SLC9A8: variants seen among roughly 807,000 people sequenced by gnomAD.
The protein encoded by SLC9A8 is solute carrier family 9 member A8.
A neutral mutation model predicts 66.6 loss-of-function variants in SLC9A8; 48 were observed. The ratio of observed to expected loss-of-function variants is 0.72; its 90% CI spans 0.57 to 0.92. The LOEUF (loss-of-function observed/expected upper bound fraction) is 0.92. SLC9A8 is among the 40% of genes least tolerant of loss of function. SLC9A8 has a pLI of 0.00. For synonymous variants in SLC9A8, 274 were observed against 282.6 expected (o/e 0.97, Z 0.31); for missense variants, 599 against 747.3 (o/e 0.80, Z 2.31).
intron 7 of SLC9A8, among the ~76,000 whole-genome samples, chr20:49,851,133 C>T (rs1200146575): frequency 1.3e-5 from 2 of 152,160 alleles, no homozygotes; most frequent in Non-Finnish European, 2.9e-5. Context: ...CCTGTGTGCA[C>T]GCGTACACTG....
At chr20:49,875,512 G>T (rs973883851) in intron 11 of SLC9A8, among the ~76,000 whole-genome samples, 1 of 152,138 alleles carries the variant, frequency 6.6e-6, no homozygotes, top group Non-Finnish European at 1.5e-5. Flanking sequence ...CGCAGTAGAG[G>T]TGTCATTTGT....
intron 7 of SLC9A8, among the ~76,000 whole-genome samples, chr20:49,853,208 A>T (rs1430156915): frequency 6.6e-6 from 1 of 152,344 alleles, no homozygotes; most frequent in East Asian, 1.9e-4. Context: ...TAGTGGCATG[A>T]TCACAGCTCG....
chr20:49,856,099 A>C (rs2088469089), intron 8 of SLC9A8, among the ~76,000 whole-genome samples: 1 of 152,062 alleles, frequency 6.6e-6, no homozygotes. Context: ...GGCTTTGCCC[A>C]CCTTTTTCGA....
At chr20:49,856,048 C>G (rs2088467083) in intron 8 of SLC9A8, among the ~76,000 whole-genome samples, 1 of 152,228 alleles carries the variant, frequency 6.6e-6, no homozygotes, top group Admixed American at 6.5e-5. Flanking sequence ...CCACCTCAGC[C>G]TCCCAAAGTG....
chr20:49,880,194 G>T (rs1235153641), intron 12 of SLC9A8, among the ~76,000 whole-genome samples: 1 of 149,582 alleles, frequency 6.7e-6, no homozygotes, highest in African/African-American at 2.5e-5. Context: ...AGCCCAGGAG[G>T]TTGAGGTTGC....
Position 49,839,614 on chromosome 20 carries a change from T to C in SLC9A8, c.348+15T>C. ...CGAATTGGAAGGTAGGTTTGCCCTT[T>C]GGTTGTTCTTAATTTTAGTAACATT... On this transcript the variant is annotated intron_variant, in intron 4 of 15. Coordinates refer to ENST00000361573, the MANE Select transcript of SLC9A8 (RefSeq NM_015266.3). 1.3e-6 allele frequency: 2 copies of C among 1,571,824 alleles called. No homozygotes were observed. Among genetic ancestry groups the C allele is most frequent in the Non-Finnish European group, 1.7e-6 (2 of 1,146,314 alleles).
intron 14 of SLC9A8, among the ~76,000 whole-genome samples, chr20:49,884,323 CACACACACACACACCCCCCG>C: frequency 6.8e-6 from 1 of 146,598 alleles, no homozygotes; most frequent in African/African-American, 2.6e-5. Context: ...CACACACACA[CACACACACACACACCCCCCG>C]GTCATCCCCC....
intron 11 of SLC9A8, 74 bp from the exon 12 acceptor site, chr20:49,877,907 C>A: frequency 1.0e-6 from 1 of 984,398 alleles, no homozygotes; most frequent in Non-Finnish European, 1.5e-6. Flanking sequence ...TGAATGTTTG[C>A]TTGCTTAATA....
intron 11 of SLC9A8, among the ~76,000 whole-genome samples, chr20:49,876,035 G>A (rs566774835): frequency 2.3e-4 from 35 of 152,214 alleles, no homozygotes; most frequent in African/African-American, 6.5e-4. Flanking sequence ...CACCGCACCC[G>A]GCCACTTGTC....
At position 49,864,702 on chromosome 20, in the gene SLC9A8, C is replaced by CT. The variant is rs760042489; in HGVS notation, c.853-36dup. On this transcript the variant is annotated intron_variant, in intron 9 of 15. Coordinates refer to ENST00000361573, the MANE Select transcript of SLC9A8 (RefSeq NM_015266.3). ...GACTTCTCCACATCTCCCATCAACT[C>CT]TCCCTCGATTCTCCTTCCTTGACAG... 1.1e-5 allele frequency: 16 copies of CT among 1,456,636 alleles called. No individual in the cohort carries two copies. The East Asian group carries it at 2.3e-4, about 21-fold the overall frequency. The allele number at this position is 1,456,636 out of a possible 1,614,324, so 90.2% of individuals were successfully genotyped here.
chr20:49,828,375 C>T (rs1252859102), intron 3 of SLC9A8, among the ~76,000 whole-genome samples: 3 of 151,586 alleles, frequency 2.0e-5, no homozygotes, highest in African/African-American at 2.4e-5. Flanking sequence ...AGCTAATGCA[C>T]CCCGCCTAAT....
intron 3 of SLC9A8, among the ~76,000 whole-genome samples, chr20:49,827,739 G>A (rs1407471903): frequency 6.6e-6 from 1 of 152,042 alleles, no homozygotes; most frequent in Non-Finnish European, 1.5e-5. Context: ...GAAAAGGCCA[G>A]ATTAGGGTTA....
Position 49,884,284 on chromosome 20 carries a change from CACACG to C in SLC9A8, c.1491+223_1491+227del, listed in dbSNP as rs1477090271. ...GACACACACACACACGACACACACA[CACACG>C]ACACACACACACACACACACACACA... On this transcript the variant is annotated intron_variant, in intron 14 of 15. Coordinates refer to ENST00000361573, the MANE Select transcript of SLC9A8 (RefSeq NM_015266.3). 5.4e-4 allele frequency: 159 copies of C among 294,800 alleles called. 2 individuals carry two copies. The highest frequency in any genetic ancestry group is 9.7e-4 in the Middle Eastern group (1 of 1,030). 18.3% of individuals were successfully genotyped at this position (294,800 alleles called of 1,614,324 possible).
chr20:49,874,881 A>G (rs2089362777), intron 11 of SLC9A8, 60 bp downstream of exon 11: 1 of 1,183,886 alleles, frequency 8.4e-7, no homozygotes, highest in East Asian at 2.3e-5. Flanking sequence ...TTGCTTCCTT[A>G]TCCTGTTTGA....
chr20:49,824,116 C>G (rs1164392293), intron 3 of SLC9A8, among the ~76,000 whole-genome samples: 1 of 152,212 alleles, frequency 6.6e-6, no homozygotes, highest in Non-Finnish European at 1.5e-5. Context: ...GACTTCAGTA[C>G]TAAGTGCCAG....
chr20:49,821,343 G>A (rs975882957), intron 2 of SLC9A8, among the ~76,000 whole-genome samples: 4 of 152,094 alleles, frequency 2.6e-5, no homozygotes, highest in African/African-American at 9.7e-5. Flanking sequence ...TAGACATTGG[G>A]CATGTTCATT....
chr20:49,886,955 C>T lies in SLC9A8; in HGVS notation c.1638+57C>T. On this transcript the variant is annotated intron_variant, in intron 15 of 15. Transcript: ENST00000361573. This position sits in a 1 kb window ranked among gnomAD's most constrained non-coding sequence, Gnocchi z 4.8. ...GGTCCCTTGCCTGCCTCCTTCAGGA[C>T]CTGCGGTGGCCCAGGGTGGGGTGGA... The T allele has an allele frequency of 6.4e-7, 1 of 1,555,716 alleles. No individual in the cohort carries two copies. Among genetic ancestry groups the T allele is most frequent in the Middle Eastern group, 1.7e-4 (1 of 5,808 alleles).
chr20:49,839,736 G>T, intron 4 of SLC9A8, 137 bp downstream of exon 4: 1 of 456,230 alleles, frequency 2.2e-6, no homozygotes, highest in South Asian at 4.3e-5. Flanking sequence ...TTTTTTATTA[G>T]ATACAGGTTG....
intron 10 of SLC9A8, among the ~76,000 whole-genome samples, chr20:49,868,653 G>A (rs991881218): frequency 3.3e-5 from 5 of 152,198 alleles, no homozygotes; most frequent in Non-Finnish European, 7.3e-5. Flanking sequence ...GACAGACTTG[G>A]ATTTGAATCC....
Sources: allele counts gnomAD v4.1 joint callset (sites outside exome capture counted in the v4.1 genomes callset), GRCh38; gene constraint gnomAD v4.1.1; non-coding constraint Gnocchi (gnomAD v3.1); transcripts MANE v1.5; gene names NCBI Gene and HGNC (gene_info 2026-07-23, HGNC 2026-07-21).